CACNB4: variants seen among roughly 807,000 people sequenced by gnomAD.
The protein encoded by CACNB4 is voltage-dependent L-type calcium channel subunit beta-4.
In CACNB4, 32 loss-of-function variants were observed where a neutral mutation model predicts 71.2. The observed-to-expected ratio is 0.45, with a 90% CI of 0.34 to 0.60. The LOEUF (loss-of-function observed/expected upper bound fraction) is 0.60. CACNB4 is among the 20% of genes least tolerant of loss of function. CACNB4 has a pLI of 0.01. For synonymous variants in CACNB4, 231 were observed against 236.9 expected (o/e 0.97, Z 0.23); for missense variants, 464 against 647.9 (o/e 0.72, Z 3.08).
intron 2 of CACNB4, 54 bp from the exon 3 acceptor site, chr2:151,883,424 C>T (rs2099848486): frequency 1.3e-6 from 2 of 1,591,926 alleles, no homozygotes; most frequent in Non-Finnish European, 1.7e-6. Context: ...TAAATTGTCA[C>T]ATCCATAACA....
chr2:151,861,830 G>A (rs1416911514), intron 9 of CACNB4: 2 of 80,670 alleles, frequency 2.5e-5, no homozygotes, highest in Non-Finnish European at 4.3e-5. Context: ...GAGACAGGGT[G>A]AGACCCTGTC....
At chr2:151,987,378 C>A (rs1247031133) in intron 2 of CACNB4, among the ~76,000 whole-genome samples, 2 of 152,150 alleles carry the variant, frequency 1.3e-5, no homozygotes, top group Non-Finnish European at 2.9e-5. Flanking sequence ...ACACTCTGTT[C>A]CATTCTGTTT....
At chr2:152,090,132 C>T (rs1001601658) in intron 2 of CACNB4, among the ~76,000 whole-genome samples, 18 of 152,184 alleles carry the variant, frequency 1.2e-4, no homozygotes, top group African/African-American at 2.9e-4. Context: ...AATGCCAAGA[C>T]CACACCCAGA....
chr2:151,964,992 C>A (rs1328418542), intron 2 of CACNB4, among the ~76,000 whole-genome samples: 1 of 152,092 alleles, frequency 6.6e-6, no homozygotes, highest in East Asian at 1.9e-4. Context: ...ATATTCGAAG[C>A]GTTAACAACA....
intron 2 of CACNB4, among the ~76,000 whole-genome samples, chr2:151,920,317 TC>T (rs72072275): frequency 2.1e-4 from 16 of 75,186 alleles, no homozygotes; most frequent in African/African-American, 7.9e-4. Context: ...TTCTTCTTCT[TC>T]TTTTTTTTTT....
At position 152,033,838 on chromosome 2, in the gene CACNB4, C is replaced by T. The variant is rs530434311; in HGVS notation, c.147+64492G>A. 4.6e-5 allele frequency among the ~76,000 whole-genome samples: 7 copies of T among 152,292 alleles called. No homozygotes were observed. The South Asian group carries it at 1.0e-3, about 23-fold the overall frequency. On this transcript the variant is annotated intron_variant, in intron 2 of 13. Coordinates refer to ENST00000539935, the MANE Select transcript of CACNB4 (RefSeq NM_000726.5). ...CTTTTGTGAGGACTTCTCTAATTCTCGTGGTATTTCAGATTTCCCTCAATC... is the reference window on the plus strand; with the variant it reads ...CTTTTGTGAGGACTTCTCTAATTCTTGTGGTATTTCAGATTTCCCTCAATC...
At chr2:151,886,834 T>C (rs1009399424) in intron 2 of CACNB4, among the ~76,000 whole-genome samples, 6 of 152,290 alleles carry the variant, frequency 3.9e-5, no homozygotes, top group Non-Finnish European at 8.8e-5. Flanking sequence ...TGGTTTGGTT[T>C]ATTTTGTTTC....
At chr2:151,945,156 A>C (rs1403966438) in intron 2 of CACNB4, among the ~76,000 whole-genome samples, 2 of 152,192 alleles carry the variant, frequency 1.3e-5, no homozygotes, top group East Asian at 3.9e-4. Context: ...TGTTAAAATG[A>C]TTTCCAAACA....
chr2:151,891,039 T>G (rs1460677687), intron 2 of CACNB4, among the ~76,000 whole-genome samples: 4 of 152,222 alleles, frequency 2.6e-5, no homozygotes, highest in African/African-American at 9.7e-5. Context: ...TAGTTCAAAC[T>G]AAAGCACAGG....
intron 2 of CACNB4, among the ~76,000 whole-genome samples, chr2:152,043,909 T>G (rs1685004391): frequency 6.6e-6 from 1 of 152,054 alleles, no homozygotes; most frequent in South Asian, 2.1e-4. Context: ...TTCAGTTAAT[T>G]AAAAAAACCA....
chr2:152,023,278 C>T (rs1005128506), intron 2 of CACNB4, among the ~76,000 whole-genome samples: 7 of 152,056 alleles, frequency 4.6e-5, no homozygotes, highest in South Asian at 2.1e-4. Flanking sequence ...AGGCCCTGCC[C>T]TCAACACGTG....
At chr2:152,077,320 C>A (rs754291677) in intron 2 of CACNB4, among the ~76,000 whole-genome samples, 1 of 152,074 alleles carries the variant, frequency 6.6e-6, no homozygotes, top group African/African-American at 2.4e-5. Context: ...TTTGGGAGGC[C>A]GAGGCACATG....
intron 2 of CACNB4, among the ~76,000 whole-genome samples, chr2:151,993,183 T>C (rs1041919060): frequency 6.6e-6 from 1 of 151,702 alleles, no homozygotes; most frequent in Non-Finnish European, 1.5e-5. Flanking sequence ...TTTTTTACTA[T>C]CAAGGCTTTT....
intron 12 of CACNB4, chr2:151,850,141 C>CTTTTTTTTTTTTTTTTTTTTTT (rs750436136): frequency 9.2e-5 from 9 of 98,160 alleles, no homozygotes; most frequent in Non-Finnish European, 1.5e-4. Context: ...TTCTTTCTTT[C>CTTTTTTTTTTTTTTTTTTTTTT]TTTTTTTTTT....
intron 2 of CACNB4, among the ~76,000 whole-genome samples, chr2:152,046,567 C>T (rs894328667): frequency 2.6e-5 from 4 of 152,096 alleles, no homozygotes; most frequent in African/African-American, 9.7e-5. Flanking sequence ...AATTCTCCAC[C>T]GTGACTACTC....
intron 12 of CACNB4, chr2:151,852,569 A>G (rs1257396979): frequency 6.6e-6 from 1 of 152,172 alleles, no homozygotes; most frequent in African/African-American, 2.4e-5. Context: ...TCCTTACACC[A>G]ATCCCATGAG....
At chr2:151,926,475 C>T (rs1308042424) in intron 2 of CACNB4, among the ~76,000 whole-genome samples, 1 of 152,090 alleles carries the variant, frequency 6.6e-6, no homozygotes, top group Non-Finnish European at 1.5e-5. Flanking sequence ...AATAGAAAAA[C>T]TCTGAAATGG....
intron 2 of CACNB4, among the ~76,000 whole-genome samples, chr2:151,951,456 T>G (rs1560056019): frequency 6.6e-6 from 1 of 152,102 alleles, no homozygotes; most frequent in Non-Finnish European, 1.5e-5. Flanking sequence ...CAATTTCTTT[T>G]AAGGATGCTA....
At chr2:152,010,723 G>A (rs1349554035) in intron 2 of CACNB4, among the ~76,000 whole-genome samples, 1 of 152,204 alleles carries the variant, frequency 6.6e-6, no homozygotes, top group Non-Finnish European at 1.5e-5. Context: ...TGAGGGCAAA[G>A]CCTGGGCCCC....
Sources: gnomAD v4.1 joint callset for allele counts (sites outside exome capture counted in the v4.1 genomes callset) on GRCh38, gnomAD v4.1.1 for gene constraint, MANE v1.5 for transcripts, NCBI Gene and HGNC (gene_info 2026-07-23, HGNC 2026-07-21) for gene names.